Variants in GFRA2 observed in about 807,000 individuals in gnomAD.
GFRA2 encodes GDNF family receptor alpha-2.
In GFRA2, 17 loss-of-function variants were observed where a neutral mutation model predicts 48.3. The ratio of observed to expected loss-of-function variants is 0.35; its 90% confidence interval spans 0.24 to 0.53. The LOEUF (loss-of-function observed/expected upper bound fraction) is 0.53, where lower values mean the gene tolerates loss of function less well. GFRA2 is among the 20% of genes least tolerant of loss of function. The pLI, the probability that GFRA2 is intolerant of heterozygous loss-of-function variation, is 0.93. For missense variants in GFRA2, 660 were observed against 637.3 expected, an observed-to-expected ratio of 1.04 and a Z score of -0.38; for synonymous variants, 305 against 257.2, an observed-to-expected ratio of 1.19 and a Z score of -1.78.
intron 3 of GFRA2, chr8:21,769,235 G>GGCACCAGCCCC (rs1806324933): frequency 1.1e-6 from 1 of 940,084 alleles, no homozygotes. Flanking sequence ...TCCGAAGTCT[G>GGCACCAGCCCC]GCCCCAGCCC....
At chr8:21,759,453 AGAGG>A (rs201696272) in intron 3 of GFRA2, among the ~76,000 whole-genome samples, 3,825 of 90,458 alleles carry the variant, frequency 0.042, 132 homozygotes, top group African/African-American at 0.08. Context: ...AGAGAGGGAG[AGAGG>A]GAGGGAGGGA....
At chr8:21,782,964 G>C in intron 1 of GFRA2, 65 bp from the exon 2 acceptor site, 1 of 1,437,716 alleles carries the variant, frequency 7.0e-7, no homozygotes, top group South Asian at 1.2e-5. Flanking sequence ...CCAAGATGCA[G>C]GCCTGGGGGC....
intron 4 of GFRA2, among the ~76,000 whole-genome samples, chr8:21,714,818 G>A (rs540149139): frequency 5.4e-4 from 82 of 152,162 alleles, no homozygotes; most frequent in African/African-American, 1.9e-3. Flanking sequence ...AAACAAGGGC[G>A]GCCACCAGCA....
At chr8:21,808,143 C>T (rs553868697) in intron 1 of GFRA2, among the ~76,000 whole-genome samples, 8 of 152,264 alleles carry the variant, frequency 5.3e-5, no homozygotes, top group South Asian at 2.1e-4. Flanking sequence ...ACACATCCTC[C>T]GAAATTGGTA....
At chr8:21,758,591 T>C (rs1400855435) in intron 3 of GFRA2, among the ~76,000 whole-genome samples, 1 of 152,102 alleles carries the variant, frequency 6.6e-6, no homozygotes, top group East Asian at 1.9e-4. Context: ...TGGGTCCTAA[T>C]TCTGTCTCTG....
chr8:21,755,537 C>G (rs1805525721), intron 3 of GFRA2, among the ~76,000 whole-genome samples: 1 of 152,046 alleles, frequency 6.6e-6, no homozygotes, highest in Non-Finnish European at 1.5e-5. Context: ...TGCAACCCTG[C>G]CAGAGACACA....
chr8:21,808,547 C>T lies in GFRA2; in HGVS notation c.-147-3419G>A, dbSNP rs149581074. Among the ~76,000 whole-genome samples, 575 of 152,294 alleles carry T rather than the reference C, an allele frequency of 3.8e-3. 9 individuals are homozygous for T. The highest frequency in any genetic ancestry group is 0.013 in the African/African-American group (552 of 41,544). On this transcript the variant is annotated intron_variant, in intron 1 of 10. Transcript: ENST00000517328. ...ACCCTCCTTATGAACCCCTGTAGGA[C>T]GGGACTTGGTCATTTTCTTCTCCGC...
At chr8:21,790,046 C>T (rs2117099795), upstream of GFRA2, 1 of 984,034 alleles carries the variant, frequency 1.0e-6, no homozygotes, top group Non-Finnish European at 1.2e-6. Flanking sequence ...GCGATTGATC[C>T]ATCTGTCGGT....
intron 2 of GFRA2, among the ~76,000 whole-genome samples, chr8:21,776,922 T>C (rs893908221): frequency 5.3e-5 from 8 of 152,262 alleles, no homozygotes; most frequent in African/African-American, 1.9e-4. Context: ...TTACCAGCCA[T>C]TGCTATTTAT....
chr8:21,800,173 C>A (rs1807745606), intron 2 of GFRA2, among the ~76,000 whole-genome samples: 1 of 152,188 alleles, frequency 6.6e-6, no homozygotes, highest in African/African-American at 2.4e-5. Flanking sequence ...TTTCCAGAAC[C>A]AGCAAAACTG....
chr8:21,773,293 T>C (rs1806524687), intron 3 of GFRA2, among the ~76,000 whole-genome samples: 2 of 152,208 alleles, frequency 1.3e-5, no homozygotes, highest in African/African-American at 4.8e-5. Context: ...CTGGGGGTTA[T>C]GATGCTGACA....
At chr8:21,770,452 A>T (rs1585323081) in intron 3 of GFRA2, among the ~76,000 whole-genome samples, 1 of 152,220 alleles carries the variant, frequency 6.6e-6, no homozygotes, top group East Asian at 1.9e-4. Flanking sequence ...CTTAGAGGAG[A>T]AGCGCTTCAG....
At chr8:21,748,193 G>A (rs1444607146) in intron 4 of GFRA2, among the ~76,000 whole-genome samples, 3 of 152,132 alleles carry the variant, frequency 2.0e-5, no homozygotes, top group South Asian at 2.1e-4. Flanking sequence ...TACTGAGGTC[G>A]AGACCCACAA....
chr8:21,777,659 T>C (rs1296470451), intron 2 of GFRA2, among the ~76,000 whole-genome samples: 3 of 152,208 alleles, frequency 2.0e-5, no homozygotes, highest in Admixed American at 1.3e-4. Context: ...AAAGCCCCCA[T>C]GCAGCCAAGA....
chr8:21,732,201 T>C (rs1804232135), intron 4 of GFRA2, among the ~76,000 whole-genome samples: 1 of 152,242 alleles, frequency 6.6e-6, no homozygotes, highest in Admixed American at 6.5e-5. Context: ...AGATGTGTTT[T>C]CCCTTCGCCT....
intron 4 of GFRA2, among the ~76,000 whole-genome samples, chr8:21,714,316 T>A (rs556919857): frequency 4.4e-5 from 6 of 134,860 alleles, no homozygotes; most frequent in African/African-American, 1.6e-4. Flanking sequence ...TGGCACAATC[T>A]TGGCTCACTG....
intron 7 of GFRA2, among the ~76,000 whole-genome samples, chr8:21,695,562 A>C (rs375651630): frequency 1.5e-4 from 23 of 152,258 alleles, no homozygotes; most frequent in East Asian, 1.4e-3. Flanking sequence ...GACCACGGTG[A>C]TGATTAGCAC....
rs2117301365 is a variant in GFRA2, at chr8:21,692,678, C to T, written c.*600G>A. On this transcript the variant is annotated 3_prime_UTR_variant, in exon 9 of 9. Coordinates refer to ENST00000524240, the MANE Select transcript of GFRA2 (RefSeq NM_001495.5). The stretch of plus-strand genomic sequence containing the variant: ...AGGGGGAGCCCAGCACGGTGCGAAC[C>T]CCCTCCACCGCCATCCGTGGGGAAG... The T allele has an allele frequency of 6.6e-6, 1 of 152,470 alleles. No homozygotes were observed. Among genetic ancestry groups the T allele is most frequent in the South Asian group, 2.1e-4 (1 of 4,832 alleles). 9.4% of individuals were successfully genotyped at this position (152,470 alleles called of 1,614,324 possible). A position where few individuals can be genotyped will look rare whatever the true frequency, so the allele number is the denominator to read the frequency against.
intron 4 of GFRA2, among the ~76,000 whole-genome samples, chr8:21,732,557 G>A (rs1804249507): frequency 6.6e-6 from 1 of 152,216 alleles, no homozygotes; most frequent in African/African-American, 2.4e-5. Context: ...AGATGCTGAA[G>A]GATCCACCAG....
Sources: gnomAD v4.1 joint callset for allele counts (sites outside exome capture counted in the v4.1 genomes callset) on GRCh38, gnomAD v4.1.1 for gene constraint, MANE v1.5 for transcripts, NCBI Gene and HGNC (gene_info 2026-07-23, HGNC 2026-07-21) for gene names.